Variants in TNIK observed in about 807,000 individuals in gnomAD.
The protein encoded by TNIK is TRAF2 and NCK interacting kinase.
In TNIK, 49 loss-of-function variants were observed where a neutral mutation model predicts 191.3. The observed-to-expected ratio is 0.26, with a 90% CI of 0.20 to 0.32. The LOEUF is 0.32. TNIK is among the 10% of genes least tolerant of loss of function. The pLI is 1.00. For synonymous variants in TNIK, 594 were observed against 600.9 expected, an observed-to-expected ratio of 0.99 and a Z score of 0.17; for missense variants, 1,155 against 1,702.3, an observed-to-expected ratio of 0.68 and a Z score of 5.66.
intron 1 of TNIK, among the ~76,000 whole-genome samples, chr3:171,398,805 T>C (rs559658174): frequency 1.3e-5 from 2 of 152,266 alleles, no homozygotes; most frequent in East Asian, 3.9e-4. Flanking sequence ...AGTCTGCAGT[T>C]TTGCACACAC....
chr3:171,424,934 G>A lies in TNIK; in HGVS notation c.57+35073C>T, dbSNP rs1724351731. ...ACCAACATGGCACATGTATATATAT[G>A]TAACAAACCTGCACGTTGTGCACAT... On this transcript the variant is annotated intron_variant, in intron 1 of 32. Transcript: ENST00000436636. Among the ~76,000 whole-genome samples, 3 of 151,124 alleles carry A rather than the reference G, an allele frequency of 2.0e-5. No homozygotes were observed. The South Asian group carries it at 6.3e-4, about 32-fold the overall frequency.
chr3:171,096,457 G>A (rs1347613786), intron 22 of TNIK, among the ~76,000 whole-genome samples: 1 of 151,988 alleles, frequency 6.6e-6, no homozygotes, highest in African/African-American at 2.4e-5. Flanking sequence ...CCATTATCTA[G>A]TTCTTGCCTG....
intron 15 of TNIK, 104 bp downstream of exon 15, chr3:171,138,087 G>T: frequency 8.8e-7 from 1 of 1,133,880 alleles, no homozygotes; most frequent in Non-Finnish European, 1.2e-6. Context: ...ATGATGAATT[G>T]TTTTCCAACT....
chr3:171,342,051 T>A (rs1327954651), intron 2 of TNIK, among the ~76,000 whole-genome samples: 2 of 152,244 alleles, frequency 1.3e-5, no homozygotes, highest in East Asian at 3.8e-4. Context: ...GAACAACATA[T>A]AATAATTTAA....
intron 1 of TNIK, among the ~76,000 whole-genome samples, chr3:171,434,467 A>AT (rs749716318): frequency 4.9e-5 from 5 of 103,068 alleles, no homozygotes; most frequent in East Asian, 4.2e-4. Flanking sequence ...TTATTTATTT[A>AT]TTTTTTTTGA....
chr3:171,135,945 A>C (rs944050933), intron 15 of TNIK, among the ~76,000 whole-genome samples: 9 of 152,362 alleles, frequency 5.9e-5, no homozygotes, highest in African/African-American at 1.9e-4. Context: ...AATAGAGAGG[A>C]CAGACCAGTA....
intron 23 of TNIK, among the ~76,000 whole-genome samples, chr3:171,088,657 GT>G (rs1721669625): frequency 6.6e-6 from 1 of 152,200 alleles, no homozygotes; most frequent in African/African-American, 2.4e-5. Context: ...GATGTAACAA[GT>G]TTGGAAGCCA....
rs754261313 is a variant in TNIK at position 171,157,630 on chromosome 3, G to T, written c.1051C>A (p.Arg351=). ...ILNLPGESTL[R]RDFLRLQLAN... is the part of the protein sequence containing the mutation. Reference sequence around the variant, plus strand: ...AGCTGCAGCCTCAGAAAGTCCCTCCGCAGCGTCGACTCCCCTGGCAGATTC... The same window carrying T: ...AGCTGCAGCCTCAGAAAGTCCCTCCTCAGCGTCGACTCCCCTGGCAGATTC... The change falls in exon 12 of 33, where the codon CGG becomes AGG. Residue 351 remains arginine (R), a synonymous_variant. Transcript: ENST00000436636. The T allele has an allele frequency of 6.4e-6, 10 of 1,556,046 alleles. No individual in the cohort carries two copies. The highest frequency in any genetic ancestry group is 1.7e-4 in the Middle Eastern group (1 of 6,020).
intron 4 of TNIK, among the ~76,000 whole-genome samples, chr3:171,197,073 A>C (rs1215070350): frequency 6.6e-6 from 1 of 152,212 alleles, no homozygotes; most frequent in African/African-American, 2.4e-5. Flanking sequence ...TAAAAGTGTA[A>C]TAATGGTACT....
intron 3 of TNIK, among the ~76,000 whole-genome samples, chr3:171,219,809 T>G (rs1231249729): frequency 6.6e-6 from 1 of 152,170 alleles, no homozygotes; most frequent in Non-Finnish European, 1.5e-5. Context: ...GTAAATTAGT[T>G]TGACCGTTGT....
In TNIK at chr3:171,247,971, C is replaced by G. The variant is rs1235902244; in HGVS notation, c.124-19750G>C. ...AAAGAGATGAAACTAGTCCTGAGGT[C>G]TCGCTGAAGATGACTGCAGGCTGGG... On this transcript the variant is annotated intron_variant, in intron 2 of 32. Coordinates refer to ENST00000436636, the MANE Select transcript of TNIK (RefSeq NM_015028.4). Among the ~76,000 whole-genome samples the G allele has an allele frequency of 4.6e-5, 7 of 152,118 alleles. No individual in the cohort carries two copies. The East Asian group carries it at 1.4e-3, about 29-fold the overall frequency.
chr3:171,426,255 G>A (rs1040532085), intron 1 of TNIK, among the ~76,000 whole-genome samples: 1 of 151,858 alleles, frequency 6.6e-6, no homozygotes, highest in African/African-American at 2.4e-5. Context: ...GTCCTTTGCA[G>A]GGACATGGAT....
intron 2 of TNIK, among the ~76,000 whole-genome samples, chr3:171,266,284 A>T (rs543681716): frequency 1.3e-5 from 2 of 152,224 alleles, no homozygotes; most frequent in Non-Finnish European, 2.9e-5. Context: ...TTAAATTGTC[A>T]TTCACCACCC....
intron 22 of TNIK, among the ~76,000 whole-genome samples, chr3:171,095,140 T>C (rs1207257793): frequency 6.6e-6 from 1 of 152,196 alleles, no homozygotes; most frequent in African/African-American, 2.4e-5. Flanking sequence ...GCTATCATGT[T>C]TACAGTATAA....
rs890866663 is a variant in TNIK at position 171,460,303 on chromosome 3, G to C, written c.-240C>G. On this transcript the variant is annotated 5_prime_UTR_variant, in exon 1 of 33. Transcript: ENST00000436636. The surrounding 1 kb of genome is among the most constrained non-coding windows in gnomAD (Gnocchi z 6.8). The stretch of plus-strand genomic sequence containing the variant: ...AAGCCCCGAGCAGCGGTGCGTGTGG[G>C]CTGAGCGCCCCGATCGGCTAAGGGC... 5.3e-5 allele frequency: 31 copies of C among 586,474 alleles called. No homozygotes were observed. The highest frequency in any genetic ancestry group is 4.5e-5 in the Non-Finnish European group (15 of 332,908). The allele number at this position is 586,474 out of a possible 1,614,324, so 36.3% of individuals were successfully genotyped here.
At chr3:171,152,259 A>T (rs1732542522) in intron 12 of TNIK, among the ~76,000 whole-genome samples, 1 of 151,854 alleles carries the variant, frequency 6.6e-6, no homozygotes, top group Admixed American at 6.6e-5. Flanking sequence ...CCTGGGTGAC[A>T]GAGTAGACTC....
chr3:171,398,386 G>A (rs893931400), intron 1 of TNIK, among the ~76,000 whole-genome samples: 2 of 152,142 alleles, frequency 1.3e-5, no homozygotes, highest in Admixed American at 1.3e-4. Flanking sequence ...TTGGGATAGC[G>A]TAAAAGAACA....
At chr3:171,396,435 A>G (rs1275275917) in intron 1 of TNIK, among the ~76,000 whole-genome samples, 3 of 152,214 alleles carry the variant, frequency 2.0e-5, no homozygotes, top group Non-Finnish European at 2.9e-5. Flanking sequence ...AACTTTTTGT[A>G]TAGACATATT....
At chr3:171,238,418 T>A (rs1744565714) in intron 2 of TNIK, among the ~76,000 whole-genome samples, 1 of 152,094 alleles carries the variant, frequency 6.6e-6, no homozygotes, top group Non-Finnish European at 1.5e-5. Context: ...AGTTTTTTTT[T>A]AATCCCAAAA....
Sources: gnomAD v4.1 joint callset for allele counts (sites outside exome capture counted in the v4.1 genomes callset) on GRCh38, gnomAD v4.1.1 for gene constraint, Gnocchi (gnomAD v3.1) non-coding constraint, MANE v1.5 for transcripts, NCBI Gene and HGNC (gene_info 2026-07-23, HGNC 2026-07-21) for gene names.